SLC49A3: variants seen among roughly 807,000 people sequenced by gnomAD.
SLC49A3 encodes solute carrier family 49 member 3.
SLC49A3 carries 50 observed loss-of-function variants against 43.8 expected under a neutral mutation model. The observed-to-expected ratio is 1.14, with a 90% CI of 0.91 to 1.45. The LOEUF (loss-of-function observed/expected upper bound fraction) is 1.45. SLC49A3 is among the 40% of genes most tolerant of loss of function. The pLI is 0.00. For missense variants in SLC49A3, 906 were observed against 774.1 expected, an observed-to-expected ratio of 1.17 and a Z score of -2.02; for synonymous variants, 413 against 352.0, an observed-to-expected ratio of 1.17 and a Z score of -1.94.
At chr4:680,046 C>G (rs1183838595), downstream of SLC49A3, 12 of 1,540,430 alleles carry the variant, frequency 7.8e-6, no homozygotes, top group African/African-American at 1.4e-5. Context: ...AGGCCTGGCC[C>G]TCCTAGCTAA....
chr4:688,987 C>T lies in SLC49A3; in HGVS notation c.135+6G>A, dbSNP rs564546170. On this transcript the variant is annotated splice_donor_region_variant and intron_variant, in intron 1 of 9. Transcript: ENST00000322224. ...CGGAGCCACCTGTCCCCGCCCCTGC[C>T]CCTACCGTGGCGTTGGAGCAGTTGA... The T allele has an allele frequency of 4.4e-6, 7 of 1,592,060 alleles. No individual in the cohort carries two copies. In the South Asian group the frequency reaches 6.6e-5, roughly 15 times the overall value.
At chr4:676,827 G>T in the SLC49A3 span, 1 of 959,480 alleles carries the variant, frequency 1.0e-6, no homozygotes, top group African/African-American at 1.8e-5. Context: ...CTGACACCTT[G>T]CAGTCGGCCC....
chr4:678,168 A>ATGTGTGTGCATGAGCGTG, downstream of SLC49A3: 1 of 1,541,022 alleles, frequency 6.5e-7, no homozygotes, highest in Non-Finnish European at 8.8e-7. Context: ...CTGCCTGCAT[A>ATGTGTGTGCATGAGCGTG]TGTGTGTGCA....
intron 9 of SLC49A3, 123 bp from the exon 10 acceptor site, chr4:682,499 C>G (rs538604152): frequency 7.4e-5 from 79 of 1,060,964 alleles, no homozygotes; most frequent in Middle Eastern, 5.8e-4. Flanking sequence ...GACGGAGAGC[C>G]CACTCGCAGC....
At chr4:686,403 A>C (rs1222387693) in intron 2 of SLC49A3, 101 bp from the exon 3 acceptor site, 1 of 1,569,706 alleles carries the variant, frequency 6.4e-7, no homozygotes, top group African/African-American at 1.4e-5. Context: ...CGCCACCTCG[A>C]CGGCTCTGCC....
chr4:681,739 C>T, downstream of SLC49A3: 1 of 771,348 alleles, frequency 1.3e-6, no homozygotes, highest in East Asian at 4.9e-5. Context: ...CCTCCAGCGC[C>T]GCCCCGCCCC....
chr4:684,869 G>A lies in SLC49A3; in HGVS notation c.586-13C>T. 1 of 1,609,572 alleles carries A rather than the reference G, an allele frequency of 6.2e-7. No homozygotes were observed. The highest frequency in any genetic ancestry group is 1.1e-5 in the South Asian group (1 of 90,870). On this transcript the variant is annotated splice_polypyrimidine_tract_variant and intron_variant, in intron 4 of 9. Transcript: ENST00000322224. ...TATAGACACCGAGCTGGGGAGGGGTGTGTGTGCACAAGGAGACCACGCAGA... is the reference window on the plus strand; with the variant it reads ...TATAGACACCGAGCTGGGGAGGGGTATGTGTGCACAAGGAGACCACGCAGA...
intron 6 of SLC49A3, 43 bp downstream of exon 6, chr4:684,440 C>A: frequency 6.2e-7 from 1 of 1,606,702 alleles, no homozygotes; most frequent in South Asian, 1.1e-5. Context: ...CCATATGGGG[C>A]GGATGACAGA....
Position 689,026 on chromosome 4 carries a change from G to T in SLC49A3, c.102C>A (p.Leu34=). 4 of 1,594,498 alleles carry T rather than the reference G, an allele frequency of 2.5e-6. No homozygotes were observed. Among genetic ancestry groups the T allele is most frequent in the Non-Finnish European group, 2.6e-6 (3 of 1,172,674 alleles). The change falls in exon 1 of 10, where the codon CTC becomes CTA. Residue 34 remains leucine (L), a synonymous_variant. Coordinates refer to ENST00000322224, the MANE Select transcript of SLC49A3 (RefSeq NM_032219.4). ...TGGAGCAGTTGAGCAGGCTGATCGCGAGCAGGAACACCCAGCGGCGCGCGT... is the reference window on the plus strand; with the variant it reads ...TGGAGCAGTTGAGCAGGCTGATCGCTAGCAGGAACACCCAGCGGCGCGCGT... ...RTYARRWVFL[L]AISLLNCSNA... is the part of the protein sequence containing the mutation.
At chr4:679,884 T>A, downstream of SLC49A3, 2 of 1,588,622 alleles carry the variant, frequency 1.3e-6, no homozygotes, top group East Asian at 2.3e-5. Flanking sequence ...CAACAAGCCC[T>A]GCCCTGTGAT....
At chr4:681,587 TGCAGCCGCCGCCGCCCC>T (rs1739556673), downstream of SLC49A3, among the ~76,000 whole-genome samples, 1 of 133,642 alleles carries the variant, frequency 7.5e-6, no homozygotes, top group Non-Finnish European at 1.6e-5. Flanking sequence ...AGACTGTGGC[TGCAGCCGCCGCCGCCCC>T]GCCCCCTCCA....
intron 6 of SLC49A3, 146 bp downstream of exon 6, chr4:684,337 C>T: frequency 1.8e-6 from 2 of 1,095,968 alleles, no homozygotes; most frequent in Non-Finnish European, 2.6e-6. Context: ...TCACACAGGG[C>T]ATCTCGGGAG....
At chr4:678,803 A>G (rs1739124053), downstream of SLC49A3, 4 of 1,608,460 alleles carry the variant, frequency 2.5e-6, no homozygotes, top group African/African-American at 5.3e-5. Flanking sequence ...CCCCACCCCC[A>G]GGAGCCTGTG....
chr4:684,849 A>G lies in SLC49A3; in HGVS notation c.593T>C (p.Val198Ala), dbSNP rs150114582. The change falls in exon 5 of 10, where the codon GTC becomes GCC. Residue 198 changes from valine to alanine, a missense_variant. Val to Ala is a moderately conservative substitution (Grantham distance 64, BLOSUM62 0). Coordinates refer to ENST00000322224, the MANE Select transcript of SLC49A3 (RefSeq NM_032219.4). ...KGEDIPLMLG[V>A]YTIPAGVVCL... Reference sequence around the variant, plus strand: ...GACGACGCCAGCAGGGATGGTATAGACACCGAGCTGGGGAGGGGTGTGTGT... The same window carrying G: ...GACGACGCCAGCAGGGATGGTATAGGCACCGAGCTGGGGAGGGGTGTGTGT... 68 of 1,611,742 alleles carry G rather than the reference A, an allele frequency of 4.2e-5. No homozygotes were observed. Among genetic ancestry groups the G allele is most frequent in the Non-Finnish European group, 5.7e-5 (67 of 1,179,724 alleles).
chr4:681,913 C>T lies in SLC49A3; in HGVS notation c.*45G>A, dbSNP rs774445314. The T allele has an allele frequency of 2.7e-5, 36 of 1,318,546 alleles. No individual in the cohort carries two copies. The East Asian group carries it at 8.4e-4, about 31-fold the overall frequency. The allele number at this position is 1,318,546 out of a possible 1,614,324, so 81.7% of individuals were successfully genotyped here. A position where few individuals can be genotyped will look rare whatever the true frequency, so the allele number is the denominator to read the frequency against. On this transcript the variant is annotated 3_prime_UTR_variant, in exon 10 of 10. Coordinates refer to ENST00000322224, the MANE Select transcript of SLC49A3 (RefSeq NM_032219.4). ...CGCAGGTGGACCAGATGTTCCAGTT[C>T]GCCTCCATCGATGTGGCGGGCAACC...
At chr4:686,358 T>A in intron 2 of SLC49A3, 56 bp from the exon 3 acceptor site, 1 of 1,582,928 alleles carries the variant, frequency 6.3e-7, no homozygotes, top group Non-Finnish European at 8.6e-7. Flanking sequence ...CCCAAGTGCC[T>A]GCCCCGTCCC....
rs1193726770 is a variant in SLC49A3, at chr4:683,693, G to A, written c.909C>T (p.Pro303=). 1 of 1,604,150 alleles carries A rather than the reference G, an allele frequency of 6.2e-7. No individual in the cohort carries two copies. Among genetic ancestry groups the A allele is most frequent in the Non-Finnish European group, 8.5e-7 (1 of 1,175,784 alleles). The change falls in exon 7 of 10, where the codon CCC becomes CCT. Residue 303 remains proline (P), a synonymous_variant. Coordinates refer to ENST00000322224, the MANE Select transcript of SLC49A3 (RefSeq NM_032219.4). ...FGILGALALG[P]YVDRTKHFTE... is the part of the protein sequence containing the mutation. ...TGAAGTGCTTGGTCCGGTCCACATA[G>A]GGGCCGAGAGCCAGTGCCCCCAGGA...
At chr4:688,574 A>G (rs1455092416) in intron 1 of SLC49A3, among the ~76,000 whole-genome samples, 1 of 152,168 alleles carries the variant, frequency 6.6e-6, no homozygotes, top group Non-Finnish European at 1.5e-5. Context: ...AGCCCAGCCC[A>G]GGAGCCGCCC....
downstream of SLC49A3, chr4:677,914 C>A: frequency 6.3e-7 from 1 of 1,584,216 alleles, no homozygotes; most frequent in Non-Finnish European, 8.7e-7. Context: ...CCAAGCCTGT[C>A]CTTGTAGGGA....
Sources: allele counts gnomAD v4.1 joint callset (sites outside exome capture counted in the v4.1 genomes callset), GRCh38; gene constraint gnomAD v4.1.1; transcripts MANE v1.5; gene names NCBI Gene and HGNC (gene_info 2026-07-23, HGNC 2026-07-21).